MAN1A1: variants seen among roughly 807,000 people sequenced by gnomAD.
The protein encoded by MAN1A1 is mannosidase alpha class 1A member 1, also known as mannosyl-oligosaccharide 1,2-alpha-mannosidase IA.
Under a neutral mutation model 70.8 loss-of-function variants are expected in MAN1A1, and 29 were observed. That is an observed-to-expected ratio of 0.41 (90% CI 0.31 to 0.56). The LOEUF (loss-of-function observed/expected upper bound fraction) is 0.56. Among genes scored for constraint, MAN1A1 ranks in the 20% least tolerant of loss-of-function variants. The probability of loss-of-function intolerance (pLI) is 0.29; values close to 1 mark genes in which losing one functional copy is unlikely to be tolerated. For missense variants in MAN1A1, 747 were observed against 841.3 expected (o/e 0.89, Z 1.39); for synonymous variants, 349 against 330.1 (o/e 1.06, Z -0.62).
intron 5 of MAN1A1, among the ~76,000 whole-genome samples, chr6:119,270,125 GT>G (rs1775876901): frequency 2.0e-5 from 3 of 152,080 alleles, no homozygotes; most frequent in African/African-American, 7.2e-5. Context: ...TTGTTACCTG[GT>G]TTGATATTTC....
chr6:119,178,026 T>C lies in MAN1A1; in HGVS notation c.*1793A>G, dbSNP rs1298011557. The C allele has an allele frequency of 6.6e-6, 1 of 152,074 alleles. No homozygotes were observed. The highest frequency in any genetic ancestry group is 2.4e-5 in the African/African-American group (1 of 41,442). 9.4% of individuals were successfully genotyped at this position (152,074 alleles called of 1,614,324 possible). On this transcript the variant is annotated 3_prime_UTR_variant, in exon 13 of 13. Coordinates refer to ENST00000368468, the MANE Select transcript of MAN1A1 (RefSeq NM_005907.4). ...CATTTCATTAGGTGAACTGAAGATA[T>C]GAGTGGGAGAAGTTATTCTGGATCA...
chr6:119,332,489 A>C (rs1773345827), intron 2 of MAN1A1, among the ~76,000 whole-genome samples: 1 of 152,200 alleles, frequency 6.6e-6, no homozygotes, highest in African/African-American at 2.4e-5. Flanking sequence ...GTTATTCATA[A>C]ACCAAAAATA....
intron 5 of MAN1A1, among the ~76,000 whole-genome samples, chr6:119,278,689 T>C (rs781427380): frequency 6.6e-6 from 1 of 152,094 alleles, no homozygotes; most frequent in Non-Finnish European, 1.5e-5. Context: ...TGGGGCCTAG[T>C]AGGAGGTGTT....
chr6:119,336,511 C>G (rs957913943), intron 2 of MAN1A1, among the ~76,000 whole-genome samples: 1 of 152,280 alleles, frequency 6.6e-6, no homozygotes, highest in African/African-American at 2.4e-5. Context: ...TAATAGTCAT[C>G]TGTAGAATAA....
intron 2 of MAN1A1, among the ~76,000 whole-genome samples, chr6:119,322,207 C>T (rs1773027999): frequency 6.6e-6 from 1 of 152,190 alleles, no homozygotes. Flanking sequence ...ATACTGCATT[C>T]AATTCCTGTC....
At chr6:119,343,472 C>T (rs1044377632) in intron 2 of MAN1A1, among the ~76,000 whole-genome samples, 2 of 151,998 alleles carry the variant, frequency 1.3e-5, no homozygotes, top group African/African-American at 4.8e-5. Flanking sequence ...GGAGCATACA[C>T]TTAGTTTTAA....
intron 2 of MAN1A1, chr6:119,331,873 G>A (rs540074964): frequency 1.3e-4 from 55 of 421,722 alleles, no homozygotes; most frequent in Admixed American, 1.1e-3. Flanking sequence ...GGCCCCAGGG[G>A]ATATGGGGAA....
At position 119,348,374 on chromosome 6, in the gene MAN1A1, T is replaced by C. The variant is rs1241588302; in HGVS notation, c.603+89A>G. ...AACCTCCATCTCCCCATACATTGCA[T>C]TGTTGCAGTCTTCAGAGTTTCAAAG... On this transcript the variant is annotated intron_variant, in intron 2 of 12. Coordinates refer to ENST00000368468, the MANE Select transcript of MAN1A1 (RefSeq NM_005907.4). The C allele has an allele frequency of 4.2e-5, 54 of 1,281,464 alleles. 1 individual carries two copies. The highest frequency in any genetic ancestry group is 2.7e-4 in the South Asian group (19 of 70,164). The allele number at this position is 1,281,464 out of a possible 1,614,324, so 79.4% of individuals were successfully genotyped here.
Position 119,207,572 on chromosome 6 carries a change from T to C in MAN1A1, c.993-2690A>G, listed in dbSNP as rs555647817. Among the ~76,000 whole-genome samples, 35 of 152,302 alleles carry C rather than the reference T, an allele frequency of 2.3e-4. No homozygotes were observed. The South Asian group carries it at 7.2e-3, about 32-fold the overall frequency. On this transcript the variant is annotated intron_variant, in intron 6 of 12. Transcript: ENST00000368468. ...AATGTGTCTGTGTGTCTCAGAGAAA[T>C]GGCTGCCTCCTGTCTTGCATAGCAA...
At chr6:119,261,095 C>T (rs1481908850) in intron 5 of MAN1A1, among the ~76,000 whole-genome samples, 2 of 150,956 alleles carry the variant, frequency 1.3e-5, no homozygotes, top group African/African-American at 4.9e-5. Flanking sequence ...TCTTCTGCCT[C>T]AGCCACCTGA....
intron 2 of MAN1A1, among the ~76,000 whole-genome samples, chr6:119,319,725 C>A (rs6918913): frequency 0.37 from 56,538 of 151,930 alleles, 11,110 homozygotes; most frequent in Non-Finnish European, 0.41. Flanking sequence ...CACAACCAAA[C>A]CTCTTTTTCC....
intron 2 of MAN1A1, among the ~76,000 whole-genome samples, chr6:119,346,237 T>C (rs1026643103): frequency 6.6e-6 from 1 of 152,244 alleles, no homozygotes; most frequent in African/African-American, 2.4e-5. Flanking sequence ...CAGTGCCCTA[T>C]TTACAATGGG....
chr6:119,336,475 C>T (rs195079), intron 2 of MAN1A1, among the ~76,000 whole-genome samples: 86,495 of 151,946 alleles, frequency 0.57, 25,036 homozygotes, highest in African/African-American at 0.65. Context: ...TTGGGCAATA[C>T]GAGAGAAGTG....
Position 119,292,994 on chromosome 6 carries a change from C to T in MAN1A1, c.817-2231G>A, listed in dbSNP as rs536136682. Among the ~76,000 whole-genome samples, 7 of 60,250 alleles carry T rather than the reference C, an allele frequency of 1.2e-4. No individual in the cohort carries two copies. In the East Asian group the frequency reaches 1.8e-3, roughly 15 times the overall value. The allele number at this position is 60,250 out of a possible 152,430, so 39.5% of individuals were successfully genotyped here. A position where few individuals can be genotyped will look rare whatever the true frequency, so the allele number is the denominator to read the frequency against. ...ATAATAAAATCTAATAAACTTAAAC[C>T]CTCAAATCATATTCCTCTCAATTAG... On this transcript the variant is annotated intron_variant, in intron 4 of 12. Transcript: ENST00000368468.
intron 6 of MAN1A1, among the ~76,000 whole-genome samples, chr6:119,228,809 T>C (rs966751184): frequency 4.6e-5 from 7 of 152,130 alleles, no homozygotes; most frequent in African/African-American, 2.4e-5. Flanking sequence ...TGACAAAATA[T>C]AGGCATAAAA....
At chr6:119,183,120 T>C (rs1241605735) in intron 11 of MAN1A1, among the ~76,000 whole-genome samples, 1 of 152,228 alleles carries the variant, frequency 6.6e-6, no homozygotes, top group African/African-American at 2.4e-5. Context: ...AATGAGGTTA[T>C]TGATTTTTCA....
intron 6 of MAN1A1, among the ~76,000 whole-genome samples, chr6:119,231,928 A>G (rs1296913156): frequency 1.3e-5 from 2 of 152,204 alleles, no homozygotes; most frequent in Non-Finnish European, 2.9e-5. Flanking sequence ...TCTTTAGAGA[A>G]AGATTTTGAA....
At chr6:119,326,266 A>T (rs1221696390) in intron 2 of MAN1A1, among the ~76,000 whole-genome samples, 1 of 152,206 alleles carries the variant, frequency 6.6e-6, no homozygotes, top group African/African-American at 2.4e-5. Flanking sequence ...GGACATAAGC[A>T]GGCCGAGCTG....
At chr6:119,205,269 G>A (rs1285433662) in intron 6 of MAN1A1, among the ~76,000 whole-genome samples, 1 of 152,152 alleles carries the variant, frequency 6.6e-6, no homozygotes, top group Non-Finnish European at 1.5e-5. Context: ...TTCAGCCTAA[G>A]AGACCAAGGA....
Sources: allele counts gnomAD v4.1 joint callset (sites outside exome capture counted in the v4.1 genomes callset), GRCh38; gene constraint gnomAD v4.1.1; transcripts MANE v1.5; gene names NCBI Gene and HGNC (gene_info 2026-07-23, HGNC 2026-07-21).